Variants in TBC1D21 observed in about 807,000 individuals in gnomAD.
The protein encoded by TBC1D21 is TBC1 domain family member 21.
A neutral mutation model predicts 46.0 loss-of-function variants in TBC1D21; 38 were observed. The ratio of observed to expected loss-of-function variants is 0.83; its 90% CI spans 0.64 to 1.08. The LOEUF (loss-of-function observed/expected upper bound fraction) is 1.08. Among genes scored for constraint, TBC1D21 ranks in the 50% least tolerant of loss-of-function variants. The pLI is 0.00. For synonymous variants in TBC1D21, 151 were observed against 157.2 expected, an observed-to-expected ratio of 0.96 and a Z score of 0.29; for missense variants, 415 against 417.9, an observed-to-expected ratio of 0.99 and a Z score of 0.06.
chr15:73,909,585 T>C, the TBC1D21 span, among the ~76,000 whole-genome samples: 1 of 152,072 alleles, frequency 6.6e-6, no homozygotes, highest in Non-Finnish European at 1.5e-5. Flanking sequence ...CGTAAGGCCA[T>C]GATGTCAGGC....
At chr15:73,897,926 G>A in the TBC1D21 span, among the ~76,000 whole-genome samples, 10 of 149,148 alleles carry the variant, frequency 6.7e-5, no homozygotes, top group Non-Finnish European at 1.2e-4. Context: ...CCCACGCGCC[G>A]CCTCTACTCC....
chr15:73,882,397 G>T (rs894306524), intron 3 of TBC1D21, among the ~76,000 whole-genome samples: 2 of 152,064 alleles, frequency 1.3e-5, no homozygotes, highest in Non-Finnish European at 2.9e-5. Context: ...CCCCAGCACA[G>T]ACCACGTTTG....
chr15:73,891,357 G>A (rs1393148937), downstream of TBC1D21, among the ~76,000 whole-genome samples: 1 of 152,202 alleles, frequency 6.6e-6, no homozygotes, highest in East Asian at 1.9e-4. Context: ...TACTGTCTTA[G>A]ACCATTTGGA....
At chr15:73,873,887 C>A in intron 1 of TBC1D21, 118 bp downstream of exon 1, 2 of 1,201,352 alleles carry the variant, frequency 1.7e-6, no homozygotes, top group Non-Finnish European at 2.4e-6. Context: ...GAAGGTGGAG[C>A]AAGGGCGGTT....
Position 73,886,672 on chromosome 15 carries a change from T to C in TBC1D21, c.777+60T>C, listed in dbSNP as rs556649734. On this transcript the variant is annotated intron_variant, in intron 8 of 10. Coordinates refer to ENST00000300504, the MANE Select transcript of TBC1D21 (RefSeq NM_153356.3). The stretch of plus-strand genomic sequence containing the variant: ...TCCACCCATCAGGCAGAGTGGAAGC[T>C]GCAAGTCTTCCTTGCCTCCCCCTTT... 18 of 1,515,734 alleles carry C rather than the reference T, an allele frequency of 1.2e-5. No homozygotes were observed. In the African/African-American group the frequency reaches 1.5e-4, roughly 13 times the overall value. 93.9% of individuals were successfully genotyped at this position (1,515,734 alleles called of 1,614,324 possible).
intron 5 of TBC1D21, 32 bp from the exon 6 acceptor site, chr15:73,884,970 AG>A: frequency 2.0e-5 from 16 of 806,694 alleles, no homozygotes; most frequent in Non-Finnish European, 2.9e-5. Context: ...TCTCCCACCC[AG>A]CCCCTCCTCC....
In TBC1D21 at chr15:73,884,110, G is replaced by A. The variant is rs1430327079; in HGVS notation, c.273-41G>A. 2.1e-6 allele frequency: 3 copies of A among 1,422,482 alleles called. No individual in the cohort carries two copies. In the South Asian group the frequency reaches 3.5e-5, roughly 17 times the overall value. The allele number at this position is 1,422,482 out of a possible 1,614,324, so 88.1% of individuals were successfully genotyped here. A position where few individuals can be genotyped will look rare whatever the true frequency, so the allele number is the denominator to read the frequency against. Reference sequence around the variant, plus strand: ...CTGCTCATTCACCACTTATCAGAAGGGGAAAAGCCACCTTGTTCAGCCTCA... The same window carrying A: ...CTGCTCATTCACCACTTATCAGAAGAGGAAAAGCCACCTTGTTCAGCCTCA... On this transcript the variant is annotated intron_variant, in intron 3 of 10. Coordinates refer to ENST00000300504, the MANE Select transcript of TBC1D21 (RefSeq NM_153356.3).
chr15:73,886,599 G>A lies in TBC1D21; in HGVS notation c.764G>A (p.Trp255Ter). Residue 255 changes from tryptophan to a stop codon, truncating the protein, a stop_gained, in exon 8 of 11, where the codon TGG (tryptophan) becomes TAG (stop). Coordinates refer to ENST00000300504, the MANE Select transcript of TBC1D21 (RefSeq NM_153356.3). LOFTEE classifies it high-confidence loss of function. Reference sequence around the variant, plus strand: ...GCCTTCAAGTCCTTCGATGATGTCTGGAGGCTCTGGGAGGTGAGGTGTCCA... The same window carrying A: ...GCCTTCAAGTCCTTCGATGATGTCTAGAGGCTCTGGGAGGTGAGGTGTCCA... ...QRAFKSFDDVWRLWEVLLTGK... is the reference protein window; with the variant it reads ...QRAFKSFDDV 2.5e-6 allele frequency: 4 copies of A among 1,613,456 alleles called. No individual in the cohort carries two copies. Among genetic ancestry groups the A allele is most frequent in the Non-Finnish European group, 3.4e-6 (4 of 1,180,014 alleles).
the TBC1D21 span, among the ~76,000 whole-genome samples, chr15:73,906,563 A>G: frequency 5.3e-5 from 8 of 152,136 alleles, no homozygotes; most frequent in Non-Finnish European, 1.0e-4. Context: ...CAGAGCTCAG[A>G]TATCTGTGGG....
the TBC1D21 span, among the ~76,000 whole-genome samples, chr15:73,896,281 A>G: frequency 6.6e-6 from 1 of 152,066 alleles, no homozygotes; most frequent in African/African-American, 2.4e-5. Flanking sequence ...GTCATAGTGG[A>G]GAGGATGGCA....
chr15:73,894,476 T>C, the TBC1D21 span, among the ~76,000 whole-genome samples: 1 of 152,372 alleles, frequency 6.6e-6, no homozygotes, highest in African/African-American at 2.4e-5. Context: ...GTTTACTGCA[T>C]CTTGTTTTGA....
chr15:73,906,688 G>A, the TBC1D21 span, among the ~76,000 whole-genome samples: 5 of 152,140 alleles, frequency 3.3e-5, no homozygotes, highest in South Asian at 1.0e-3. Context: ...GGAAGAAAAG[G>A]GCTTTCCTGA....
intron 1 of TBC1D21, among the ~76,000 whole-genome samples, chr15:73,878,451 A>G (rs764253865): frequency 6.6e-6 from 1 of 152,262 alleles, no homozygotes; most frequent in Non-Finnish European, 1.5e-5. Flanking sequence ...TTGCAGGAAT[A>G]CAAGATTGAT....
chr15:73,905,752 T>C, the TBC1D21 span, among the ~76,000 whole-genome samples: 1 of 152,160 alleles, frequency 6.6e-6, no homozygotes, highest in African/African-American at 2.4e-5. Flanking sequence ...CTGAGCAGAT[T>C]TGTGGGTTTA....
Position 73,882,906 on chromosome 15 carries a change from C to T in TBC1D21, c.272+1159C>T, listed in dbSNP as rs892813117. Reference sequence around the variant, plus strand: ...TGGTCCCACAGTAGTGAGAACGGAGCCTGTGTCTTCCCTCCCAGGTTGAAT... The same window carrying T: ...TGGTCCCACAGTAGTGAGAACGGAGTCTGTGTCTTCCCTCCCAGGTTGAAT... On this transcript the variant is annotated intron_variant, in intron 3 of 10. Coordinates refer to ENST00000300504, the MANE Select transcript of TBC1D21 (RefSeq NM_153356.3). Among the ~76,000 whole-genome samples the T allele has an allele frequency of 2.0e-5, 3 of 152,326 alleles. No individual in the cohort carries two copies. In the East Asian group the frequency reaches 5.8e-4, roughly 29 times the overall value.
chr15:73,883,228 A>C (rs2068185206), intron 3 of TBC1D21, among the ~76,000 whole-genome samples: 1 of 152,148 alleles, frequency 6.6e-6, no homozygotes, highest in Admixed American at 6.5e-5. Flanking sequence ...CCGGGGTGGG[A>C]CGGGGGTGTG....
At chr15:73,901,918 T>C in the TBC1D21 span, among the ~76,000 whole-genome samples, 1 of 151,896 alleles carries the variant, frequency 6.6e-6, no homozygotes, top group Admixed American at 6.6e-5. Context: ...CTCAAGCAAT[T>C]CTCCCACCTC....
Position 73,879,560 on chromosome 15 carries a change from C to G in TBC1D21, c.61-1839C>G, listed in dbSNP as rs376758538. On this transcript the variant is annotated intron_variant, in intron 1 of 10. Coordinates refer to ENST00000300504, the MANE Select transcript of TBC1D21 (RefSeq NM_153356.3). ...CTTTACTACTCATGTGGTTTGTGGA[C>G]TAGCAGCATCACCTGTTACTCAGGA... Among the ~76,000 whole-genome samples the G allele has an allele frequency of 4.3e-4, 66 of 152,188 alleles. 3 individuals carry two copies. The highest frequency in any genetic ancestry group is 1.4e-3 in the African/African-American group (58 of 41,524).
At chr15:73,897,352 G>A in the TBC1D21 span, among the ~76,000 whole-genome samples, 5 of 152,216 alleles carry the variant, frequency 3.3e-5, no homozygotes, top group African/African-American at 1.2e-4. Flanking sequence ...TGTCTATGAT[G>A]CATTTAGCCC....
Sources: allele counts gnomAD v4.1 joint callset (sites outside exome capture counted in the v4.1 genomes callset), GRCh38; gene constraint gnomAD v4.1.1; transcripts MANE v1.5; gene names NCBI Gene and HGNC (gene_info 2026-07-23, HGNC 2026-07-21).